Variants in ASXL3 observed in about 807,000 individuals in gnomAD.
ASXL3 encodes the protein ASXL transcriptional regulator 3.
A neutral mutation model predicts 170.6 loss-of-function variants in ASXL3; 34 were observed. The ratio of observed to expected loss-of-function variants is 0.20; its 90% CI spans 0.15 to 0.27. The LOEUF is 0.27. Among genes scored for constraint, ASXL3 ranks in the 10% least tolerant of loss-of-function variants. The pLI is 1.00. For synonymous variants in ASXL3, 1,002 were observed against 989.1 expected, an observed-to-expected ratio of 1.01 and a Z score of -0.24; for missense variants, 2,592 against 2,695.3, an observed-to-expected ratio of 0.96 and a Z score of 0.85.
At chr18:33,736,864 G>A (rs1297333765) in intron 10 of ASXL3, among the ~76,000 whole-genome samples, 4 of 151,990 alleles carry the variant, frequency 2.6e-5, no homozygotes, top group African/African-American at 9.7e-5. Context: ...AGAAAATGTT[G>A]ACATGGGTAT....
intron 4 of ASXL3, 69 bp downstream of exon 4, chr18:33,646,422 A>C: frequency 9.0e-7 from 1 of 1,106,736 alleles, no homozygotes. Context: ...CCAATGATTC[A>C]TTAATTGAAT....
intron 8 of ASXL3, among the ~76,000 whole-genome samples, chr18:33,713,248 GTTTTTTTTTTT>G (rs1226619353): frequency 4.6e-5 from 3 of 65,086 alleles, no homozygotes; most frequent in Non-Finnish European, 8.6e-5. Context: ...GTTTTGTTTT[GTTTTTTTTTTT>G]TTTTTTTTTT....
intron 2 of ASXL3, among the ~76,000 whole-genome samples, chr18:33,623,724 A>T (rs549023661): frequency 6.6e-6 from 1 of 152,308 alleles, no homozygotes; most frequent in East Asian, 1.9e-4. Context: ...AAAATATCTG[A>T]TATTTATTTT....
chr18:33,666,792 AT>A (rs2066263087), intron 5 of ASXL3, among the ~76,000 whole-genome samples: 1 of 152,290 alleles, frequency 6.6e-6, no homozygotes, highest in East Asian at 1.9e-4. Context: ...GTAAAAAAAA[AT>A]AACTCAAGAT....
At position 33,739,266 on chromosome 18, in the gene ASXL3, C is replaced by A; in HGVS notation, c.1862C>A (p.Ala621Asp). Residue 621 changes from alanine (A) to aspartate (D), a missense_variant, in exon 11 of 12, where the codon GCC (alanine) becomes GAC (aspartate). Physicochemically the swap from Ala to Asp is moderately radical, Grantham distance 126. Transcript: ENST00000269197. ...TTTTCTTCTGAGAGCCCAGAGGGAG[C>A]CTGTACCAGCCTGCCTTCTCCAGGA... Reference protein sequence around the residue: ...TSFSSESPEGACTSLPSPGGE... With the variant: ...TSFSSESPEGDCTSLPSPGGE... The A allele has an allele frequency of 6.2e-7, 1 of 1,613,732 alleles. No homozygotes were observed. The highest frequency in any genetic ancestry group is 8.5e-7 in the Non-Finnish European group (1 of 1,179,800).
rs543367690 is a variant in ASXL3 at position 33,595,066 on chromosome 18, T to A, written c.55-12528T>A. ...TCTGTAGAAAGCCTGTGGTCTAAACTCTAAACTCTTAGGATACCTGCTTCA... is the reference window on the plus strand; with the variant it reads ...TCTGTAGAAAGCCTGTGGTCTAAACACTAAACTCTTAGGATACCTGCTTCA... On this transcript the variant is annotated intron_variant, in intron 1 of 11. Coordinates refer to ENST00000269197, the MANE Select transcript of ASXL3 (RefSeq NM_030632.3). 3.3e-5 allele frequency among the ~76,000 whole-genome samples: 5 copies of A among 152,268 alleles called. No individual in the cohort carries two copies. In the East Asian group the frequency reaches 9.7e-4, roughly 29 times the overall value.
chr18:33,610,238 T>C (rs28589919), intron 2 of ASXL3, among the ~76,000 whole-genome samples: 31 of 152,064 alleles, frequency 2.0e-4, no homozygotes, highest in African/African-American at 7.0e-4. Context: ...AAATTCCACC[T>C]TCATGAAGTC....
intron 2 of ASXL3, among the ~76,000 whole-genome samples, chr18:33,621,299 A>G (rs937276647): frequency 1.3e-5 from 2 of 152,176 alleles, no homozygotes; most frequent in Non-Finnish European, 2.9e-5. Flanking sequence ...GTACAAAAGT[A>G]TATTCAAAAG....
In ASXL3 at chr18:33,745,390, T is replaced by C. The variant is rs1237330170; in HGVS notation, c.5542T>C (p.Leu1848=). ...HTQVKCEPGK[L]LVEPDVKGVP... ...TCAAGTTAAATGTGAACCAGGAAAA[T>C]TGTTGGTGGAGCCAGATGTTAAAGG... Residue 1848 remains leucine (L), a synonymous_variant, in exon 12 of 12, where the codon TTG becomes CTG. Transcript: ENST00000269197. 2 of 1,613,572 alleles carry C rather than the reference T, an allele frequency of 1.2e-6. No homozygotes were observed. Among genetic ancestry groups the C allele is most frequent in the Non-Finnish European group, 1.7e-6 (2 of 1,179,844 alleles).
chr18:33,604,444 A>C (rs1226792552), intron 1 of ASXL3, among the ~76,000 whole-genome samples: 2 of 150,124 alleles, frequency 1.3e-5, no homozygotes, highest in African/African-American at 4.9e-5. Context: ...TCTCAATTTC[A>C]TCTGGAAAAA....
intron 8 of ASXL3, among the ~76,000 whole-genome samples, chr18:33,713,242 TG>T (rs1568343437): frequency 0.1 from 8,069 of 77,210 alleles, 2,102 homozygotes; most frequent in East Asian, 0.3. Context: ...TTTTTTGTTT[TG>T]TTTTGTTTTT....
intron 8 of ASXL3, among the ~76,000 whole-genome samples, chr18:33,685,579 C>G (rs913544576): frequency 6.6e-6 from 1 of 152,122 alleles, no homozygotes; most frequent in Non-Finnish European, 1.5e-5. Context: ...TGCATTAGTC[C>G]ATTTGCATTG....
At chr18:33,594,907 A>T (rs1440914697) in intron 1 of ASXL3, among the ~76,000 whole-genome samples, 1 of 152,106 alleles carries the variant, frequency 6.6e-6, no homozygotes. Context: ...AGATATTTTA[A>T]TTACATCATA....
chr18:33,745,271 A>G lies in ASXL3; in HGVS notation c.5423A>G (p.Lys1808Arg). The G allele has an allele frequency of 6.2e-7, 1 of 1,614,002 alleles. No homozygotes were observed. Among genetic ancestry groups the G allele is most frequent in the Non-Finnish European group, 8.5e-7 (1 of 1,179,900 alleles). ...CCCAGCTCTCCAAATCCAGATGGTA[A>G]GGGCTACTTGGCAGGGACTCTGGCA... ...IPPSSPNPDG[K>R]GYLAGTLAPL... Residue 1808 changes from lysine to arginine, a missense_variant, in exon 12 of 12, where the codon AAG (lysine) becomes AGG (arginine). Transcript: ENST00000269197.
In ASXL3 at chr18:33,739,394, C is replaced by G. The variant is rs768312159; in HGVS notation, c.1990C>G (p.Gln664Glu). Reference sequence around the variant, plus strand: ...CACTGAAAATACAGACAAATACAACCAGAGAAATTCCACTGATGAAAACTT... The same window carrying G: ...CACTGAAAATACAGACAAATACAACGAGAGAAATTCCACTGATGAAAACTT... ...SSTENTDKYN[Q>E]RNSTDENFHA... The change falls in exon 11 of 12, where the codon CAG becomes GAG. Residue 664 changes from glutamine to glutamate, a missense_variant. Gln to Glu is a conservative substitution (Grantham distance 29). Around this residue, in one of 4 missense-constraint regions of ASXL3, gnomAD observed 2,246 missense variants for 2,219.6 expected, o/e 1.01. Coordinates refer to ENST00000269197, the MANE Select transcript of ASXL3 (RefSeq NM_030632.3). 1.9e-6 allele frequency: 3 copies of G among 1,613,812 alleles called. No individual in the cohort carries two copies. Among genetic ancestry groups the G allele is most frequent in the East Asian group, 4.5e-5 (2 of 44,872 alleles).
At chr18:33,581,822 T>G (rs1334138611) in intron 1 of ASXL3, among the ~76,000 whole-genome samples, 1 of 152,170 alleles carries the variant, frequency 6.6e-6, no homozygotes, top group Admixed American at 6.5e-5. Context: ...TGTGTTAGGC[T>G]TGCTTAGTGT....
chr18:33,621,463 C>A (rs747786669), intron 2 of ASXL3, among the ~76,000 whole-genome samples: 19 of 152,258 alleles, frequency 1.2e-4, no homozygotes, highest in Middle Eastern at 3.4e-3. Context: ...TTTGCACCTA[C>A]CTAATAGTAA....
intron 10 of ASXL3, 45 bp from the exon 11 acceptor site, chr18:33,738,442 T>G: frequency 6.6e-7 from 1 of 1,521,214 alleles, no homozygotes; most frequent in Non-Finnish European, 8.8e-7. Flanking sequence ...TTGTACCTTT[T>G]ATGTTTTGTG....
At chr18:33,697,445 G>A (rs537519710) in intron 8 of ASXL3, among the ~76,000 whole-genome samples, 1 of 152,184 alleles carries the variant, frequency 6.6e-6, no homozygotes, top group South Asian at 2.1e-4. Flanking sequence ...GAGAGCTTCT[G>A]AGCTGGCACA....
Sources: allele counts gnomAD v4.1 joint callset (sites outside exome capture counted in the v4.1 genomes callset), GRCh38; gene constraint gnomAD v4.1.1; regional missense constraint gnomAD v4.1.1; transcripts MANE v1.5; gene names NCBI Gene and HGNC (gene_info 2026-07-23, HGNC 2026-07-21).